The following EVC2 variants were observed in gnomAD, a reference collection of about 807,000 sequenced individuals.
EVC2 encodes the protein EvC ciliary complex subunit 2, also known as limbin.
EVC2 carries 148 observed loss-of-function variants against 149.3 expected under a neutral mutation model. The ratio of observed to expected loss-of-function variants is 0.99; its 90% CI spans 0.87 to 1.14. The LOEUF (loss-of-function observed/expected upper bound fraction) is 1.14, where lower values mean the gene tolerates loss of function less well. Among genes scored for constraint, EVC2 ranks in the 50% most tolerant of loss-of-function variants. The pLI is 0.00. For missense variants in EVC2, 1,854 were observed against 1,627.3 expected (o/e 1.14, Z -2.40); for synonymous variants, 776 against 649.9 (o/e 1.19, Z -2.95).
intron 2 of EVC2, 89 bp downstream of exon 2, chr4:5,697,504 G>A: frequency 1.5e-6 from 2 of 1,297,106 alleles, no homozygotes; most frequent in Middle Eastern, 1.8e-4. Context: ...AGGATCAGCA[G>A]AGAGTGAGGG....
At chr4:5,658,973 C>T (rs1718708905) in intron 9 of EVC2, among the ~76,000 whole-genome samples, 1 of 152,148 alleles carries the variant, frequency 6.6e-6, no homozygotes. Context: ...CTGAGTCCAC[C>T]TCCATTATAA....
intron 3 of EVC2, among the ~76,000 whole-genome samples, chr4:5,693,557 C>T (rs1721266933): frequency 6.6e-6 from 1 of 152,232 alleles, no homozygotes; most frequent in African/African-American, 2.4e-5. Flanking sequence ...GCAGAGGGAG[C>T]GTGGCCCCAC....
At position 5,625,824 on chromosome 4, in the gene EVC2, G is replaced by C; in HGVS notation, c.1971C>G (p.Asp657Glu). 1.9e-6 allele frequency: 3 copies of C among 1,613,956 alleles called. No individual in the cohort carries two copies. The highest frequency in any genetic ancestry group is 2.5e-6 in the Non-Finnish European group (3 of 1,179,996). Reference protein sequence around the residue: ...TEVFSIKQKLDNDLKQEKKKL... With the variant: ...TEVFSIKQKLENDLKQEKKKL... ...TTTTCTTTTCCTGCTTTAAGTCATT[G>C]TCCAACTTCTGCTTGATTGAAAAGA... The change falls in exon 13 of 22, where the codon GAC becomes GAG. Residue 657 changes from aspartate to glutamate, a missense_variant. Coordinates refer to ENST00000344408, the MANE Select transcript of EVC2 (RefSeq NM_147127.5). The surrounding 1 kb of genome is among the most constrained non-coding windows in gnomAD (Gnocchi z 4.0).
rs1402095173 is a variant in EVC2, at chr4:5,640,484, G to A, written c.1470+30C>T. On this transcript the variant is annotated intron_variant, in intron 10 of 21. Transcript: ENST00000344408. The surrounding 1 kb of genome is among the most constrained non-coding windows in gnomAD (Gnocchi z 4.6). ...TGACAAATCCCTGAGAGAAAGGGAA[G>A]TGAACGCCTTCCTTTCAGACCTGTC... The A allele has an allele frequency of 3.7e-6, 6 of 1,613,064 alleles. No homozygotes were observed. The highest frequency in any genetic ancestry group is 3.3e-5 in the Admixed American group (2 of 59,994).
chr4:5,619,960 C>T (rs76587644), intron 14 of EVC2, among the ~76,000 whole-genome samples: 7,195 of 152,272 alleles, frequency 0.047, 536 homozygotes, highest in African/African-American at 0.16. Flanking sequence ...GAACACCCAA[C>T]GTGGTTGGCC....
intron 16 of EVC2, among the ~76,000 whole-genome samples, chr4:5,607,204 T>C (rs1222787330): frequency 6.6e-6 from 1 of 152,094 alleles, no homozygotes; most frequent in Non-Finnish European, 1.5e-5. Flanking sequence ...ATGAGGATGA[T>C]AAGGAAACTG....
intron 5 of EVC2, among the ~76,000 whole-genome samples, chr4:5,688,635 T>C (rs1168028184): frequency 6.6e-6 from 1 of 151,666 alleles, no homozygotes. Context: ...GGTGGCAGAG[T>C]CTACAAGCCA....
chr4:5,560,868 G>A (rs11726867), downstream of EVC2, among the ~76,000 whole-genome samples: 77,179 of 151,984 alleles, frequency 0.51, 21,999 homozygotes, highest in Non-Finnish European at 0.65. This position sits in a 1 kb window ranked among gnomAD's most constrained non-coding sequence, Gnocchi z 4.1. Flanking sequence ...TAGAGCCACA[G>A]TTTAAACCTG....
At chr4:5,676,148 C>T (rs1023002847) in intron 7 of EVC2, among the ~76,000 whole-genome samples, 7 of 152,174 alleles carry the variant, frequency 4.6e-5, no homozygotes, top group Admixed American at 4.6e-4. Context: ...CTAGTGCCAT[C>T]TGAGACCTGC....
intron 9 of EVC2, among the ~76,000 whole-genome samples, chr4:5,652,895 A>C (rs552855403): frequency 6.6e-6 from 1 of 152,200 alleles, no homozygotes; most frequent in Non-Finnish European, 1.5e-5. Context: ...TATGTAGCCA[A>C]GTACCATCAG....
intron 5 of EVC2, among the ~76,000 whole-genome samples, chr4:5,688,437 C>A (rs936894310): frequency 2.0e-5 from 3 of 152,276 alleles, no homozygotes; most frequent in Non-Finnish European, 2.9e-5. Context: ...GCTTCTCAGC[C>A]ACTTTAGTCC....
chr4:5,639,470 G>A (rs992149892), intron 10 of EVC2, among the ~76,000 whole-genome samples: 1 of 152,242 alleles, frequency 6.6e-6, no homozygotes, highest in African/African-American at 2.4e-5. Context: ...GCTGACCTAT[G>A]AGAACTCCAA....
chr4:5,587,190 C>T (rs764649697), intron 16 of EVC2, among the ~76,000 whole-genome samples: 3 of 152,158 alleles, frequency 2.0e-5, no homozygotes, highest in Non-Finnish European at 4.4e-5. Flanking sequence ...CAGTAGCCCC[C>T]ACCTCTATTT....
At chr4:5,539,641 T>C (rs1346318086), downstream of EVC2, among the ~76,000 whole-genome samples, 1 of 152,228 alleles carries the variant, frequency 6.6e-6, no homozygotes, top group Non-Finnish European at 1.5e-5. Context: ...CTCATATGTA[T>C]ATGACTGATT....
chr4:5,652,532 G>A (rs182193694), intron 9 of EVC2, among the ~76,000 whole-genome samples: 25 of 152,266 alleles, frequency 1.6e-4, no homozygotes, highest in Admixed American at 1.4e-3. Flanking sequence ...AGGCCGAGAC[G>A]AAGGTGTCAG....
intron 6 of EVC2, among the ~76,000 whole-genome samples, chr4:5,682,773 C>T (rs1002084280): frequency 6.7e-6 from 1 of 149,766 alleles, no homozygotes; most frequent in East Asian, 2.0e-4. Context: ...AGAGGAGAAT[C>T]GCTTGAACCT....
intron 15 of EVC2, among the ~76,000 whole-genome samples, chr4:5,617,099 C>G (rs1560167768): frequency 7.1e-6 from 1 of 141,672 alleles, no homozygotes; most frequent in Non-Finnish European, 1.5e-5. Context: ...AACAACAGTA[C>G]TTAAAAAAAA....
chr4:5,691,402 C>T, intron 3 of EVC2, 69 bp from the exon 4 acceptor site: 1 of 1,319,540 alleles, frequency 7.6e-7, no homozygotes, highest in Non-Finnish European at 1.1e-6. Flanking sequence ...AATAAAAGTA[C>T]AAGATAATGA....
In EVC2 at chr4:5,567,926, G is replaced by A. The variant is rs34327823; in HGVS notation, c.3557+518C>T. Reference sequence around the variant, plus strand: ...GAATTACATAGGGGGATGTTTGCATGAGCGTTAAAAGGTAAGGAGCAAAAT... The same window carrying A: ...GAATTACATAGGGGGATGTTTGCATAAGCGTTAAAAGGTAAGGAGCAAAAT... On this transcript the variant is annotated intron_variant, in intron 20 of 21. Transcript: ENST00000344408. The surrounding 1 kb of genome is among the most constrained non-coding windows in gnomAD (Gnocchi z 4.4). Among the ~76,000 whole-genome samples the A allele has an allele frequency of 0.039, 5,888 of 152,300 alleles. 167 individuals carry two copies. Among genetic ancestry groups the A allele is most frequent in the Middle Eastern group, 0.065 (19 of 294 alleles).
Sources: allele counts gnomAD v4.1 joint callset (sites outside exome capture counted in the v4.1 genomes callset), GRCh38; gene constraint gnomAD v4.1.1; non-coding constraint Gnocchi (gnomAD v3.1); transcripts MANE v1.5; gene names NCBI Gene and HGNC (gene_info 2026-07-23, HGNC 2026-07-21).